SORCS1: variants seen among roughly 807,000 people sequenced by gnomAD.
SORCS1 encodes sortilin related VPS10 domain containing receptor 1.
Under a neutral mutation model 146.1 loss-of-function variants are expected in SORCS1, and 60 were observed. The observed-to-expected ratio is 0.41, with a 90% CI of 0.33 to 0.51. SORCS1 has a LOEUF of 0.51. SORCS1 is among the 20% of genes least tolerant of loss of function. The pLI, the probability that SORCS1 is intolerant of heterozygous loss-of-function variation, is 0.21. For synonymous variants in SORCS1, 637 were observed against 584.0 expected (o/e 1.09, Z -1.31); for missense variants, 1,352 against 1,487.6 (o/e 0.91, Z 1.50).
At chr10:106,787,670 T>C (rs748784469) in intron 3 of SORCS1, among the ~76,000 whole-genome samples, 3 of 152,196 alleles carry the variant, frequency 2.0e-5, no homozygotes, top group Non-Finnish European at 4.4e-5. Context: ...GGAACAAAAA[T>C]GTTGCCTTCT....
chr10:106,997,219 T>C lies in SORCS1; in HGVS notation c.559-40639A>G, dbSNP rs74154808. On this transcript the variant is annotated intron_variant, in intron 1 of 25. Transcript: ENST00000263054. ...TTACCTTTAGACTCAGCACCTTGTC[T>C]GGCCCACAGTGGGTGTCTTATAAAT... is the stretch of plus-strand genomic sequence containing the variant. Among the ~76,000 whole-genome samples the C allele has an allele frequency of 4.9e-3, 751 of 152,272 alleles. 10 individuals are homozygous for C. Among genetic ancestry groups the C allele is most frequent in the African/African-American group, 0.017 (712 of 41,556 alleles).
intron 19 of SORCS1, 87 bp from the exon 20 acceptor site, chr10:106,620,648 T>G: frequency 6.8e-7 from 1 of 1,463,164 alleles, no homozygotes; most frequent in Non-Finnish European, 9.1e-7. Context: ...ACACATTTAC[T>G]CTTGAAGCCC....
intron 3 of SORCS1, among the ~76,000 whole-genome samples, chr10:106,795,612 C>G (rs1488291471): frequency 1.3e-5 from 2 of 152,150 alleles, no homozygotes; most frequent in Non-Finnish European, 2.9e-5. Context: ...GGGAGATGAT[C>G]AAATCCATAA....
At chr10:106,920,913 T>C (rs1952679846) in intron 2 of SORCS1, among the ~76,000 whole-genome samples, 1 of 152,112 alleles carries the variant, frequency 6.6e-6, no homozygotes, top group Non-Finnish European at 1.5e-5. Flanking sequence ...TGAGGCCTGC[T>C]TGTCCCTCCA....
At position 106,576,429 on chromosome 10, in the gene SORCS1, A is replaced by G. The variant is rs2133175392; in HGVS notation, c.*991T>C. ...AGGGAAGAGATTCAAAGATATCAACAGATCATGGTCACACATGGATGACAA... is the reference window on the plus strand; with the variant it reads ...AGGGAAGAGATTCAAAGATATCAACGGATCATGGTCACACATGGATGACAA... On this transcript the variant is annotated 3_prime_UTR_variant, in exon 26 of 26. Coordinates refer to ENST00000263054, the MANE Select transcript of SORCS1 (RefSeq NM_052918.5). 1 of 152,376 alleles carries G rather than the reference A, an allele frequency of 6.6e-6. No individual in the cohort carries two copies. The highest frequency in any genetic ancestry group is 1.9e-4 in the East Asian group (1 of 5,190). 9.4% of individuals were successfully genotyped at this position (152,376 alleles called of 1,614,324 possible).
chr10:106,632,465 C>T (rs1169644049), intron 18 of SORCS1, among the ~76,000 whole-genome samples: 1 of 152,120 alleles, frequency 6.6e-6, no homozygotes, highest in African/African-American at 2.4e-5. Flanking sequence ...AGGATGTCAG[C>T]CACTTTCAGA....
intron 3 of SORCS1, among the ~76,000 whole-genome samples, chr10:106,798,332 A>G (rs1188477659): frequency 6.6e-6 from 1 of 152,196 alleles, no homozygotes; most frequent in African/African-American, 2.4e-5. Flanking sequence ...GTACATGTGC[A>G]CAACGTGCAG....
intron 17 of SORCS1, among the ~76,000 whole-genome samples, chr10:106,653,950 T>C (rs113129507): frequency 7.9e-5 from 12 of 152,354 alleles, no homozygotes; most frequent in African/African-American, 2.4e-4. Flanking sequence ...CATGAAGCCC[T>C]GCACTAGCTA....
intron 3 of SORCS1, among the ~76,000 whole-genome samples, chr10:106,817,726 A>G (rs1478323259): frequency 6.6e-6 from 1 of 152,188 alleles, no homozygotes; most frequent in African/African-American, 2.4e-5. Context: ...CTCATTTCCA[A>G]CTACATAGTT....
intron 1 of SORCS1, among the ~76,000 whole-genome samples, chr10:106,993,088 C>T (rs1340794073): frequency 6.6e-6 from 1 of 152,094 alleles, no homozygotes; most frequent in African/African-American, 2.4e-5. Flanking sequence ...CCTCGGCCTC[C>T]CAAAGTGCTG....
chr10:107,021,430 C>T (rs1298158131), intron 1 of SORCS1, among the ~76,000 whole-genome samples: 3 of 134,244 alleles, frequency 2.2e-5, no homozygotes, highest in Admixed American at 8.7e-5. Flanking sequence ...AGGAGAATGG[C>T]GTGAACCCGG....
At chr10:107,155,079 G>A (rs928944881) in intron 1 of SORCS1, among the ~76,000 whole-genome samples, 8 of 152,146 alleles carry the variant, frequency 5.3e-5, no homozygotes, top group Admixed American at 5.2e-4. Flanking sequence ...GGACAGCCAT[G>A]GAAGATAATT....
chr10:106,753,302 C>T (rs569690679), intron 5 of SORCS1, among the ~76,000 whole-genome samples: 7 of 152,220 alleles, frequency 4.6e-5, no homozygotes, highest in Admixed American at 1.3e-4. Flanking sequence ...ACAGCCATCT[C>T]GCGCCACATT....
chr10:106,688,092 T>C, intron 10 of SORCS1, 100 bp downstream of exon 10: 1 of 1,485,980 alleles, frequency 6.7e-7, no homozygotes, highest in Non-Finnish European at 9.0e-7. Flanking sequence ...CTTTTGTTCA[T>C]CAACTGAGCA....
In SORCS1 at chr10:106,781,106, C is replaced by T. The variant is rs192911816; in HGVS notation, c.727-4414G>A. Among the ~76,000 whole-genome samples the T allele has an allele frequency of 2.3e-3, 354 of 152,146 alleles. 4 individuals are homozygous for T. Among genetic ancestry groups the T allele is most frequent in the African/African-American group, 8.1e-3 (338 of 41,500 alleles). ...AGGAAGTAATTCTACAAAAGGTTGG[C>T]AGGCAGCTTTCTGATCCTTCCAGTT... On this transcript the variant is annotated intron_variant, in intron 3 of 25. Transcript: ENST00000263054.
At chr10:106,995,951 A>G (rs1956978034) in intron 1 of SORCS1, among the ~76,000 whole-genome samples, 1 of 152,168 alleles carries the variant, frequency 6.6e-6, no homozygotes, top group African/African-American at 2.4e-5. Flanking sequence ...AAATGAGGCC[A>G]GGTGCGGTGG....
At chr10:106,723,405 A>G (rs1855917988) in intron 6 of SORCS1, among the ~76,000 whole-genome samples, 1 of 151,800 alleles carries the variant, frequency 6.6e-6, no homozygotes, top group Admixed American at 6.6e-5. Flanking sequence ...GCACACACAC[A>G]CACACACACA....
chr10:106,838,680 C>T (rs1948893282), intron 2 of SORCS1, among the ~76,000 whole-genome samples: 1 of 152,180 alleles, frequency 6.6e-6, no homozygotes, highest in South Asian at 2.1e-4. Flanking sequence ...TATAGGCATA[C>T]CTTGTTTTAT....
At chr10:107,007,619 G>C (rs938184776) in intron 1 of SORCS1, among the ~76,000 whole-genome samples, 6 of 152,256 alleles carry the variant, frequency 3.9e-5, no homozygotes, top group Non-Finnish European at 8.8e-5. Flanking sequence ...AAGATATGTT[G>C]GAGTTTTAGC....
Sources: gnomAD v4.1 joint callset for allele counts (sites outside exome capture counted in the v4.1 genomes callset) on GRCh38, gnomAD v4.1.1 for gene constraint, MANE v1.5 for transcripts, NCBI Gene and HGNC (gene_info 2026-07-23, HGNC 2026-07-21) for gene names.